Variants in HTT observed in about 807,000 individuals in gnomAD.
The protein encoded by HTT is huntingtin, also known as huntington disease protein.
Under a neutral mutation model 362.3 loss-of-function variants are expected in HTT, and 104 were observed. The observed-to-expected ratio is 0.29, with a 90% CI of 0.24 to 0.34. HTT has a LOEUF of 0.34. HTT is among the 10% of genes least tolerant of loss of function. The probability of loss-of-function intolerance (pLI) is 1.00; values close to 1 mark genes in which losing one functional copy is unlikely to be tolerated. For synonymous variants in HTT, 1,577 were observed against 1,548.7 expected, an observed-to-expected ratio of 1.02 and a Z score of -0.43; for missense variants, 3,301 against 3,928.6, an observed-to-expected ratio of 0.84 and a Z score of 4.27.
Position 3,235,416 on chromosome 4 carries a change from G to A in HTT, c.8571+18G>A. 6.5e-7 allele frequency: 1 copy of A among 1,547,696 alleles called. No individual in the cohort carries two copies. Among genetic ancestry groups the A allele is most frequent in the Non-Finnish European group, 8.9e-7 (1 of 1,119,566 alleles). On this transcript the variant is annotated intron_variant, in intron 62 of 66. Coordinates refer to ENST00000355072, the MANE Select transcript of HTT (RefSeq NM_001388492.1). The stretch of plus-strand genomic sequence containing the variant: ...TAATACAGGTGAGTGGGCCCTGGCT[G>A]TCTTCCTCTGCACACGGGGAGTGGG...
Position 3,228,886 on chromosome 4 carries a change from C to A in HTT, c.7986C>A (p.His2662Gln), listed in dbSNP as rs1721054372. The A allele has an allele frequency of 6.2e-7, 1 of 1,612,976 alleles. No individual in the cohort carries two copies. Among genetic ancestry groups the A allele is most frequent in the South Asian group, 1.1e-5 (1 of 91,044 alleles). The change falls in exon 59 of 67, where the codon CAC becomes CAA. Residue 2662 changes from histidine to glutamine, a missense_variant. By Grantham distance (24) the His-to-Gln change is conservative. This residue lies in a region of HTT where 753 missense variants were observed against 1,021.3 expected (regional missense o/e 0.74). Transcript: ENST00000355072. The surrounding 1 kb of genome is among the most constrained non-coding windows in gnomAD (Gnocchi z 4.3). Reference protein sequence around the residue: ...PPTSPVNSRKHRAGVDIHSCS... With the variant: ...PPTSPVNSRKQRAGVDIHSCS... The stretch of plus-strand genomic sequence containing the variant: ...CATCTCGCATATTCCACAGGAAACA[C>A]CGGGCTGGAGTTGACATCCACTCCT...
chr4:3,215,384 C>G (rs1375818548), intron 51 of HTT, among the ~76,000 whole-genome samples, 173 bp downstream of exon 51: 1 of 152,190 alleles, frequency 6.6e-6, no homozygotes, highest in African/African-American at 2.4e-5. Flanking sequence ...GCTTTGCCAG[C>G]TCTTTTGTTT....
chr4:3,087,125 A>T, intron 2 of HTT, 103 bp downstream of exon 2: 4 of 618,734 alleles, frequency 6.5e-6, no homozygotes, highest in South Asian at 2.6e-5. Flanking sequence ...AAATGGATTC[A>T]GAAATCCATT....
chr4:3,235,568 T>C lies in HTT; in HGVS notation c.8575T>C (p.Cys2859Arg). The part of the protein sequence containing the change: ...PEFSASIIQM[C>R]GVMLSGSEES... ...AGAGGCCTTTCTCCCTGTGCAGATGTGTGGGGTGATGCTGTCTGGAAGTGA... is the reference window on the plus strand; with the variant it reads ...AGAGGCCTTTCTCCCTGTGCAGATGCGTGGGGTGATGCTGTCTGGAAGTGA... Residue 2859 changes from cysteine to arginine, a missense_variant, in exon 63 of 67, where the codon TGT (cysteine) becomes CGT (arginine). Transcript: ENST00000355072. The C allele has an allele frequency of 6.2e-7, 1 of 1,613,830 alleles. No individual in the cohort carries two copies. The highest frequency in any genetic ancestry group is 8.5e-7 in the Non-Finnish European group (1 of 1,179,890).
intron 1 of HTT, among the ~76,000 whole-genome samples, chr4:3,081,909 A>G (rs1485021987): frequency 6.6e-6 from 1 of 151,752 alleles, no homozygotes; most frequent in Non-Finnish European, 1.5e-5. Context: ...ACTAGTTTTG[A>G]AAATTATAAA....
chr4:3,154,103 G>T (rs1717030468), intron 26 of HTT, among the ~76,000 whole-genome samples, 190 bp from the exon 27 acceptor site: 1 of 152,092 alleles, frequency 6.6e-6, no homozygotes. Flanking sequence ...ATGTATCATT[G>T]TGTGGGTAAA....
At chr4:3,159,750 G>A (rs145903329) in intron 28 of HTT, among the ~76,000 whole-genome samples, 1 of 152,218 alleles carries the variant, frequency 6.6e-6, no homozygotes, top group African/African-American at 2.4e-5. Flanking sequence ...CATGTCTTTG[G>A]TCCTGACCCA....
intron 11 of HTT, among the ~76,000 whole-genome samples, chr4:3,126,663 G>C (rs184384042): frequency 6.6e-6 from 1 of 152,294 alleles, no homozygotes; most frequent in Admixed American, 6.5e-5. Context: ...AACTGCCCCA[G>C]GAGTGACCAC....
intron 2 of HTT, among the ~76,000 whole-genome samples, chr4:3,091,702 T>C (rs1026298325): frequency 4.6e-5 from 7 of 152,202 alleles, no homozygotes; most frequent in African/African-American, 1.7e-4. Flanking sequence ...TATTTTGTTA[T>C]AGAAACTCAA....
intron 6 of HTT, among the ~76,000 whole-genome samples, chr4:3,112,186 G>C (rs551603074): frequency 2.6e-5 from 4 of 152,148 alleles, no homozygotes; most frequent in East Asian, 1.9e-4. Flanking sequence ...TCAATCCAGC[G>C]TGTTGGATTA....
chr4:3,075,883 C>T (rs143146188), intron 1 of HTT, among the ~76,000 whole-genome samples: 4 of 152,090 alleles, frequency 2.6e-5, no homozygotes, highest in African/African-American at 7.2e-5. Flanking sequence ...GGTGAACTTA[C>T]GTGGTGATTA....
chr4:3,145,147 CT>C lies in HTT; in HGVS notation c.3067-4del. On this transcript the variant is annotated splice_region_variant and splice_polypyrimidine_tract_variant and intron_variant, in intron 23 of 66. Coordinates refer to ENST00000355072, the MANE Select transcript of HTT (RefSeq NM_001388492.1). The stretch of plus-strand genomic sequence containing the variant: ...GGTGTGATTTTATTGTTTCTTTCTT[CT>C]CAGTTTGGATGCTGTGAAGCTTTGT... The C allele has an allele frequency of 6.2e-7, 1 of 1,609,706 alleles. No homozygotes were observed. Among genetic ancestry groups the C allele is most frequent in the Non-Finnish European group, 8.5e-7 (1 of 1,176,014 alleles).
intron 28 of HTT, among the ~76,000 whole-genome samples, chr4:3,159,719 C>T (rs3025838): frequency 0.039 from 5,987 of 152,310 alleles, 298 homozygotes; most frequent in African/African-American, 0.12. Flanking sequence ...TAGTCAGTCT[C>T]GCCTTACCTT....
At chr4:3,239,803 A>G (rs1721721016) in intron 66 of HTT, 43 bp from the exon 67 acceptor site, 3 of 1,360,584 alleles carry the variant, frequency 2.2e-6, no homozygotes, top group African/African-American at 1.4e-5. Flanking sequence ...GGGAGGCAGC[A>G]TTCCCCTCAT....
chr4:3,199,203 CAGTG>C (rs1238355622), intron 40 of HTT, among the ~76,000 whole-genome samples: 1 of 152,186 alleles, frequency 6.6e-6, no homozygotes, highest in African/African-American at 2.4e-5. Flanking sequence ...TGGAGGTCGA[CAGTG>C]AGAGAGGAGG....
chr4:3,217,732 T>TAAA, intron 51 of HTT, 33 bp from the exon 52 acceptor site: 1 of 1,579,428 alleles, frequency 6.3e-7, no homozygotes. Flanking sequence ...ATGTGTTTTT[T>TAAA]AAAAAGTCCT....
rs1199597724 is a variant in HTT at position 3,229,422 on chromosome 4, CA to C, written c.8109+414del. On this transcript the variant is annotated intron_variant, in intron 59 of 66. Transcript: ENST00000355072. ...CACCACATGTATGTGCCACACACAGCACACAACCACACACATGCACCACACA... is the reference window on the plus strand; with the variant it reads ...CACCACATGTATGTGCCACACACAGCCACAACCACACACATGCACCACACA... 2.0e-3 allele frequency among the ~76,000 whole-genome samples: 213 copies of C among 108,564 alleles called. 1 individual carries two copies. Among genetic ancestry groups the C allele is most frequent in the African/African-American group, 9.8e-3 (203 of 20,664 alleles). 71.2% of individuals were successfully genotyped at this position (108,564 alleles called of 152,430 possible).
At chr4:3,213,443 C>T (rs916545228) in intron 49 of HTT, among the ~76,000 whole-genome samples, 2 of 152,224 alleles carry the variant, frequency 1.3e-5, no homozygotes, top group African/African-American at 2.4e-5. Flanking sequence ...TCTTATTTGA[C>T]TCTCACAACC....
rs775655404 is a variant in HTT at position 3,207,320 on chromosome 4, A to T, written c.6115A>T (p.Ile2039Phe). ...AQLPMEELNR[I>F]QEYLQSSGLA... The stretch of plus-strand genomic sequence containing the variant: ...GTTGCCAATGGAAGAACTCAACAGA[A>T]TCCAGGAATACCTTCAGAGCAGCGG... The change falls in exon 45 of 67, where the codon ATC (isoleucine) becomes TTC (phenylalanine). Residue 2039 changes from isoleucine to phenylalanine, a missense_variant. Ile to Phe is a conservative substitution (Grantham distance 21). This residue lies in a region of HTT where 2,316 missense variants were observed against 2,658.5 expected (regional missense o/e 0.87). Coordinates refer to ENST00000355072, the MANE Select transcript of HTT (RefSeq NM_001388492.1). 2 of 1,613,936 alleles carry T rather than the reference A, an allele frequency of 1.2e-6. No individual in the cohort carries two copies. Among genetic ancestry groups the T allele is most frequent in the Admixed American group, 1.7e-5 (1 of 59,998 alleles).
Sources: gnomAD v4.1 joint callset for allele counts (sites outside exome capture counted in the v4.1 genomes callset) on GRCh38, gnomAD v4.1.1 for gene constraint, gnomAD v4.1.1 regional missense constraint, Gnocchi (gnomAD v3.1) non-coding constraint, MANE v1.5 for transcripts, NCBI Gene and HGNC (gene_info 2026-07-23, HGNC 2026-07-21) for gene names.